Variants in ZNF608 observed in about 807,000 individuals in gnomAD.
The protein encoded by ZNF608 is zinc finger protein 608.
In ZNF608, 12 loss-of-function variants were observed where a neutral mutation model predicts 109.0. That is an observed-to-expected ratio of 0.11 (90% CI 0.07 to 0.18). The LOEUF (loss-of-function observed/expected upper bound fraction) is 0.18, where lower values mean the gene tolerates loss of function less well. ZNF608 is among the 10% of genes least tolerant of loss of function. The pLI, the probability that ZNF608 is intolerant of heterozygous loss-of-function variation, is 1.00. For synonymous variants in ZNF608, 732 were observed against 717.4 expected, an observed-to-expected ratio of 1.02 and a Z score of -0.33; for missense variants, 1,707 against 1,879.3, an observed-to-expected ratio of 0.91 and a Z score of 1.70.
chr5:124,653,019 G>GT (rs1750860135), intron 3 of ZNF608, among the ~76,000 whole-genome samples: 1 of 152,192 alleles, frequency 6.6e-6, no homozygotes, highest in Admixed American at 6.5e-5. Context: ...TTATATTCAA[G>GT]TATTCTACCA....
intron 2 of ZNF608, among the ~76,000 whole-genome samples, chr5:124,715,175 G>C (rs1319376641): frequency 6.6e-6 from 1 of 152,028 alleles, no homozygotes; most frequent in Non-Finnish European, 1.5e-5. Flanking sequence ...TATGAAAATG[G>C]TCTCAAAAGA....
At chr5:124,694,808 A>C (rs1752779228) in intron 3 of ZNF608, among the ~76,000 whole-genome samples, 1 of 147,998 alleles carries the variant, frequency 6.8e-6, no homozygotes, top group Admixed American at 7.0e-5. Flanking sequence ...CCTATGAGTG[A>C]GAACATGCGG....
At chr5:124,703,116 C>G (rs539790645) in intron 2 of ZNF608, among the ~76,000 whole-genome samples, 1 of 151,772 alleles carries the variant, frequency 6.6e-6, no homozygotes. Context: ...TTTCCAGCTT[C>G]TTAATTTGTA....
rs1753529338 is a variant in ZNF608 at position 124,712,331 on chromosome 5, G to T, written c.907-11062C>A. Among the ~76,000 whole-genome samples the T allele has an allele frequency of 2.0e-5, 3 of 152,250 alleles. No individual in the cohort carries two copies. In the South Asian group the frequency reaches 6.2e-4, roughly 32 times the overall value. On this transcript the variant is annotated intron_variant, in intron 2 of 9. Transcript: ENST00000513986. The stretch of plus-strand genomic sequence containing the variant: ...GCCTGGGATGGGGAGGATGGGCAGA[G>T]GATCGCCTGTTGGGCAACGTCTATC...
At position 124,721,591 on chromosome 5, in the gene ZNF608, A is replaced by G. The variant is rs182077152; in HGVS notation, c.907-20322T>C. Among the ~76,000 whole-genome samples, 9 of 152,284 alleles carry G rather than the reference A, an allele frequency of 5.9e-5. No individual in the cohort carries two copies. In the East Asian group the frequency reaches 1.4e-3, roughly 23 times the overall value. On this transcript the variant is annotated intron_variant, in intron 2 of 9. Transcript: ENST00000513986. ...TAAAGATAGTCAGACAACATAACCAAGAAGCAACTAAGGCTCAGAGCCAGT... is the reference window on the plus strand; with the variant it reads ...TAAAGATAGTCAGACAACATAACCAGGAAGCAACTAAGGCTCAGAGCCAGT...
intron 2 of ZNF608, among the ~76,000 whole-genome samples, chr5:124,722,574 A>T (rs1753971457): frequency 1.0e-5 from 1 of 98,472 alleles, no homozygotes; most frequent in Non-Finnish European, 2.0e-5. Context: ...AAACCCTTAA[A>T]ATACACACAC....
intron 3 of ZNF608, among the ~76,000 whole-genome samples, chr5:124,674,025 A>T (rs1290942110): frequency 3.3e-5 from 5 of 152,326 alleles, no homozygotes; most frequent in Non-Finnish European, 7.3e-5. Context: ...AAATTCACTC[A>T]TAAAGATAAT....
chr5:124,680,399 G>T (rs985038950), intron 3 of ZNF608, among the ~76,000 whole-genome samples: 5 of 151,316 alleles, frequency 3.3e-5, no homozygotes, highest in Non-Finnish European at 7.4e-5. Context: ...TTTATATAAT[G>T]AAGAGTGAAT....
rs186298568 is a variant in ZNF608 at position 124,739,180 on chromosome 5, C to T, written c.906+4904G>A. Among the ~76,000 whole-genome samples, 3 of 152,254 alleles carry T rather than the reference C, an allele frequency of 2.0e-5. No homozygotes were observed. The East Asian group carries it at 5.8e-4, about 29-fold the overall frequency. On this transcript the variant is annotated intron_variant, in intron 2 of 9. Transcript: ENST00000513986. The stretch of plus-strand genomic sequence containing the variant: ...GCCACTCAGAGATAATGTCATTTAT[C>T]TCAGGGAGGCACAAGCCCAGTCATT...
chr5:124,649,779 T>C (rs1049024590), intron 3 of ZNF608, 82 bp from the exon 4 acceptor site: 4 of 894,828 alleles, frequency 4.5e-6, no homozygotes, highest in African/African-American at 2.5e-5. Flanking sequence ...TTTTTTCTCT[T>C]TTTTTTGCCA....
chr5:124,706,890 C>T (rs144512891), intron 2 of ZNF608, among the ~76,000 whole-genome samples: 104 of 152,244 alleles, frequency 6.8e-4, no homozygotes, highest in African/African-American at 2.4e-3. Flanking sequence ...GGCTATTTAT[C>T]ACGCGAGAGA....
intron 2 of ZNF608, among the ~76,000 whole-genome samples, chr5:124,742,142 T>C (rs1039495563): frequency 6.6e-6 from 1 of 152,200 alleles, no homozygotes; most frequent in African/African-American, 2.4e-5. Context: ...TATGAATAAT[T>C]TAATTCTTCC....
Position 124,644,455 on chromosome 5 carries a change from T to C in ZNF608, c.3912A>G (p.Gln1304=), listed in dbSNP as rs778136348. 5 of 1,614,056 alleles carry C rather than the reference T, an allele frequency of 3.1e-6. No individual in the cohort carries two copies. Among genetic ancestry groups the C allele is most frequent in the East Asian group, 4.5e-5 (2 of 44,892 alleles). The change falls in exon 6 of 10, where the codon CAA becomes CAG. Residue 1304 remains glutamine (Q), a synonymous_variant. Transcript: ENST00000513986. Reference sequence around the variant, plus strand: ...TTTTCAGCTTGCTCTCCTCCATTGATTGAGAATCAGGATGCTTGGCCTCTT... The same window carrying C: ...TTTTCAGCTTGCTCTCCTCCATTGACTGAGAATCAGGATGCTTGGCCTCTT... ...EPKEAKHPDS[Q]SMEESKLKND...
upstream of ZNF608, among the ~76,000 whole-genome samples, chr5:124,747,065 G>T (rs1437304878): frequency 1.3e-5 from 2 of 152,000 alleles, no homozygotes; most frequent in African/African-American, 4.8e-5. Flanking sequence ...AAAAGGAACT[G>T]AGTTCCTAGT....
At chr5:124,728,405 G>T (rs1040323414) in intron 2 of ZNF608, among the ~76,000 whole-genome samples, 15 of 152,262 alleles carry the variant, frequency 9.9e-5, no homozygotes, top group African/African-American at 3.6e-4. Flanking sequence ...CTGCTTTGGG[G>T]TGGCTGACAT....
chr5:124,698,643 T>G (rs1267337130), intron 3 of ZNF608, among the ~76,000 whole-genome samples: 1 of 152,130 alleles, frequency 6.6e-6, no homozygotes, highest in African/African-American at 2.4e-5. Context: ...GAGGACAGAG[T>G]GGAACTGGTG....
intron 3 of ZNF608, among the ~76,000 whole-genome samples, chr5:124,658,747 C>T (rs575259149): frequency 1.1e-3 from 172 of 152,250 alleles, no homozygotes; most frequent in African/African-American, 4.0e-3. Context: ...GGTTCAATGC[C>T]CACTGTAACA....
At chr5:124,712,227 T>C (rs771577461) in intron 2 of ZNF608, among the ~76,000 whole-genome samples, 1 of 151,504 alleles carries the variant, frequency 6.6e-6, no homozygotes, top group African/African-American at 2.4e-5. Context: ...GGAGGAGAGA[T>C]CAGACTCGGG....
In ZNF608 at chr5:124,745,037, G is replaced by C. The variant is rs762475741; in HGVS notation, c.-48C>G. ...TAAAAATCCGATGAACTTTTCTTTG[G>C]AGATGAGGGGACATTCGTTTATCTC... On this transcript the variant is annotated 5_prime_UTR_variant, in exon 2 of 10. Coordinates refer to ENST00000513986, the MANE Select transcript of ZNF608 (RefSeq NM_020747.3). 2.0e-6 allele frequency: 3 copies of C among 1,538,178 alleles called. No individual in the cohort carries two copies.
Sources: gnomAD v4.1 joint callset for allele counts (sites outside exome capture counted in the v4.1 genomes callset) on GRCh38, gnomAD v4.1.1 for gene constraint, MANE v1.5 for transcripts, NCBI Gene and HGNC (gene_info 2026-07-23, HGNC 2026-07-21) for gene names.